RPS6KC1: variants seen among roughly 807,000 people sequenced by gnomAD.
The protein encoded by RPS6KC1 is ribosomal protein S6 kinase C1.
A neutral mutation model predicts 103.8 loss-of-function variants in RPS6KC1; 54 were observed. The ratio of observed to expected loss-of-function variants is 0.52; its 90% CI spans 0.42 to 0.65. The LOEUF is 0.65. Ranked by LOEUF, RPS6KC1 falls within the 30% of genes least tolerant of loss-of-function variation. RPS6KC1 has a pLI of 0.00. For missense variants in RPS6KC1, 1,151 were observed against 1,253.8 expected, an observed-to-expected ratio of 0.92 and a Z score of 1.24; for synonymous variants, 439 against 438.7, an observed-to-expected ratio of 1.00 and a Z score of -0.01.
chr1:213,079,243 G>T (rs2079638124), intron 3 of RPS6KC1, among the ~76,000 whole-genome samples: 2 of 151,972 alleles, frequency 1.3e-5, no homozygotes, highest in Non-Finnish European at 2.9e-5. Flanking sequence ...AAATAACACT[G>T]CAGTTACTAT....
At chr1:213,713,905 T>C in the RPS6KC1 span, among the ~76,000 whole-genome samples, 1 of 152,246 alleles carries the variant, frequency 6.6e-6, no homozygotes, top group Non-Finnish European at 1.5e-5. Flanking sequence ...TTCTGAGATA[T>C]GCCCTTCCTG....
At chr1:213,115,442 CT>C (rs1264005049) in intron 4 of RPS6KC1, among the ~76,000 whole-genome samples, 1 of 152,152 alleles carries the variant, frequency 6.6e-6, no homozygotes, top group Admixed American at 6.5e-5. Flanking sequence ...ATTCTTCTCT[CT>C]TTTTTTCTTT....
the RPS6KC1 span, among the ~76,000 whole-genome samples, chr1:213,341,648 G>A: frequency 6.6e-6 from 1 of 152,300 alleles, no homozygotes; most frequent in South Asian, 2.1e-4. Context: ...ACTGGTTTAA[G>A]GACCTTACTT....
At chr1:213,618,358 C>T in the RPS6KC1 span, among the ~76,000 whole-genome samples, 1 of 152,164 alleles carries the variant, frequency 6.6e-6, no homozygotes, top group Non-Finnish European at 1.5e-5. Flanking sequence ...ATGGAGTGCT[C>T]AGGAGGGGAT....
chr1:213,660,579 C>A, the RPS6KC1 span, among the ~76,000 whole-genome samples: 1 of 152,190 alleles, frequency 6.6e-6, no homozygotes, highest in Non-Finnish European at 1.5e-5. Flanking sequence ...CTAGGTAGCT[C>A]ATTTTAAAGA....
the RPS6KC1 span, among the ~76,000 whole-genome samples, chr1:213,812,336 C>G: frequency 1.3e-5 from 2 of 152,200 alleles, no homozygotes; most frequent in African/African-American, 4.8e-5. Context: ...AAGCCAACTA[C>G]TGTCTGAGTT....
the RPS6KC1 span, among the ~76,000 whole-genome samples, chr1:213,417,174 C>T: frequency 6.6e-6 from 1 of 152,178 alleles, no homozygotes; most frequent in Non-Finnish European, 1.5e-5. Flanking sequence ...GCCTTTCTTT[C>T]ATTCGCCGGG....
the RPS6KC1 span, among the ~76,000 whole-genome samples, chr1:213,719,936 ATCTTCCATT>A: frequency 2.0e-5 from 3 of 152,146 alleles, no homozygotes; most frequent in Admixed American, 1.3e-4. Context: ...CTATTTCATT[ATCTTCCATT>A]TCTTTACCTT....
chr1:213,260,173 C>T (rs2094751594), intron 12 of RPS6KC1, among the ~76,000 whole-genome samples: 2 of 152,134 alleles, frequency 1.3e-5, no homozygotes, highest in Admixed American at 6.5e-5. Flanking sequence ...GTTCTAAGAA[C>T]GTTAGGAGAC....
chr1:213,739,649 A>G, the RPS6KC1 span, among the ~76,000 whole-genome samples: 3 of 152,012 alleles, frequency 2.0e-5, no homozygotes, highest in African/African-American at 7.3e-5. Context: ...CTTTTAGAAA[A>G]AAGCAGAAAT....
the RPS6KC1 span, among the ~76,000 whole-genome samples, chr1:213,414,955 T>A: frequency 6.6e-6 from 1 of 152,118 alleles, no homozygotes; most frequent in Non-Finnish European, 1.5e-5. Flanking sequence ...GGATTGCTGA[T>A]TCTTTGGGGT....
chr1:213,682,846 T>C, the RPS6KC1 span, among the ~76,000 whole-genome samples: 1 of 152,226 alleles, frequency 6.6e-6, no homozygotes, highest in African/African-American at 2.4e-5. Context: ...TGGTATATAA[T>C]CTTCCAGATT....
At chr1:213,795,739 T>C in the RPS6KC1 span, among the ~76,000 whole-genome samples, 1 of 152,114 alleles carries the variant, frequency 6.6e-6, no homozygotes, top group Non-Finnish European at 1.5e-5. Flanking sequence ...CCATGAAAAT[T>C]CCTTTTCTCA....
At chr1:213,776,668 A>G in the RPS6KC1 span, among the ~76,000 whole-genome samples, 1 of 152,210 alleles carries the variant, frequency 6.6e-6, no homozygotes, top group Non-Finnish European at 1.5e-5. Context: ...CTTCCACTTA[A>G]GTCACCAGCT....
chr1:213,643,825 C>T, the RPS6KC1 span, among the ~76,000 whole-genome samples: 1 of 151,816 alleles, frequency 6.6e-6, no homozygotes. Flanking sequence ...TTTATGTTAG[C>T]TAATAATTAT....
At chr1:213,310,323 C>T in the RPS6KC1 span, among the ~76,000 whole-genome samples, 1 of 152,226 alleles carries the variant, frequency 6.6e-6, no homozygotes, top group Admixed American at 6.5e-5. Context: ...AACCATCTGG[C>T]TCCTGCTCAC....
intron 8 of RPS6KC1, among the ~76,000 whole-genome samples, chr1:213,206,940 G>A (rs2093366961): frequency 6.6e-6 from 1 of 152,094 alleles, no homozygotes; most frequent in Non-Finnish European, 1.5e-5. Context: ...GTGAAACCCT[G>A]TCTCTACCGA....
At chr1:213,235,663 C>T (rs1316895046) in intron 10 of RPS6KC1, among the ~76,000 whole-genome samples, 1 of 152,008 alleles carries the variant, frequency 6.6e-6, no homozygotes, top group African/African-American at 2.4e-5. Flanking sequence ...ATCAGTGTGG[C>T]TGGAGCAGAA....
At position 213,208,921 on chromosome 1, in the gene RPS6KC1, A is replaced by G. The variant is rs956139938; in HGVS notation, c.1045-21576A>G. On this transcript the variant is annotated intron_variant, in intron 8 of 14. Transcript: ENST00000366960. Reference sequence around the variant, plus strand: ...TTTTTAGGAGATAATTTCAGGATATACTTAAAATCTAAAACCTTTTCACAG... The same window carrying G: ...TTTTTAGGAGATAATTTCAGGATATGCTTAAAATCTAAAACCTTTTCACAG... Among the ~76,000 whole-genome samples the G allele has an allele frequency of 6.6e-5, 10 of 152,006 alleles. 1 individual carries two copies. Among genetic ancestry groups the G allele is most frequent in the Admixed American group, 6.5e-4 (10 of 15,274 alleles).
Sources: allele counts gnomAD v4.1 joint callset (sites outside exome capture counted in the v4.1 genomes callset), GRCh38; gene constraint gnomAD v4.1.1; transcripts MANE v1.5; gene names NCBI Gene and HGNC (gene_info 2026-07-23, HGNC 2026-07-21).